LRP1B: variants seen among roughly 807,000 people sequenced by gnomAD.
LRP1B encodes the protein LDL receptor related protein 1B.
Under a neutral mutation model 556.6 loss-of-function variants are expected in LRP1B, and 217 were observed. The ratio of observed to expected loss-of-function variants is 0.39; its 90% CI spans 0.35 to 0.44. The LOEUF is 0.44. LRP1B is among the 20% of genes least tolerant of loss of function. The pLI, the probability that LRP1B is intolerant of heterozygous loss-of-function variation, is 1.00. For synonymous variants in LRP1B, 2,047 were observed against 1,865.8 expected, an observed-to-expected ratio of 1.10 and a Z score of -2.50; for missense variants, 5,053 against 5,620.8, an observed-to-expected ratio of 0.90 and a Z score of 3.23.
At chr2:140,926,652 G>T (rs1192002791) in intron 20 of LRP1B, among the ~76,000 whole-genome samples, 1 of 152,078 alleles carries the variant, frequency 6.6e-6, no homozygotes, top group African/African-American at 2.4e-5. Flanking sequence ...TAATGTCCAT[G>T]ATTTTTAGGA....
chr2:141,406,360 T>C lies in LRP1B; in HGVS notation c.343+74036A>G, dbSNP rs1690632998. 2.0e-5 allele frequency among the ~76,000 whole-genome samples: 3 copies of C among 152,060 alleles called. No individual in the cohort carries two copies. In the South Asian group the frequency reaches 6.2e-4, roughly 32 times the overall value. On this transcript the variant is annotated intron_variant, in intron 3 of 90. Transcript: ENST00000389484. The stretch of plus-strand genomic sequence containing the variant: ...GACACTTCTGAGAATGAAAGAAGGT[T>C]CTTAAAATCTGGTTGGGATAACATA...
chr2:141,717,757 TGCTGCTATTGA>T (rs1692661124), intron 2 of LRP1B, among the ~76,000 whole-genome samples: 1 of 152,248 alleles, frequency 6.6e-6, no homozygotes, highest in African/African-American at 2.4e-5. Flanking sequence ...TACAGTCTAC[TGCTGCTATTGA>T]GAATGATACT....
chr2:140,967,563 C>G (rs546828048), intron 18 of LRP1B, among the ~76,000 whole-genome samples: 14 of 152,178 alleles, frequency 9.2e-5, no homozygotes, highest in Admixed American at 7.9e-4. Flanking sequence ...CTGGCCAGAA[C>G]TTCCAACACT....
At chr2:141,241,317 G>A (rs1683869324) in intron 5 of LRP1B, among the ~76,000 whole-genome samples, 2 of 152,232 alleles carry the variant, frequency 1.3e-5, no homozygotes, top group East Asian at 3.9e-4. Context: ...TAGAATTTCT[G>A]TAGTACAGAG....
chr2:140,802,066 A>T (rs921306223), intron 32 of LRP1B, among the ~76,000 whole-genome samples: 4 of 152,196 alleles, frequency 2.6e-5, no homozygotes, highest in African/African-American at 9.7e-5. Flanking sequence ...ACTTGGGAGA[A>T]ACTATAGAAC....
At chr2:141,704,869 TG>T (rs1423802732) in intron 2 of LRP1B, among the ~76,000 whole-genome samples, 1 of 152,036 alleles carries the variant, frequency 6.6e-6, no homozygotes, top group Non-Finnish European at 1.5e-5. Flanking sequence ...AGTGGCTTAT[TG>T]GACATTTTCC....
chr2:141,076,540 A>G (rs138394961), intron 7 of LRP1B, among the ~76,000 whole-genome samples: 1 of 152,326 alleles, frequency 6.6e-6, no homozygotes, highest in East Asian at 1.9e-4. Context: ...CTAACAATAT[A>G]AAATATTCAT....
intron 2 of LRP1B, among the ~76,000 whole-genome samples, chr2:141,665,100 T>A (rs1412276487): frequency 6.6e-6 from 1 of 152,060 alleles, no homozygotes; most frequent in Non-Finnish European, 1.5e-5. Flanking sequence ...AAACAAGCAA[T>A]GGGGAAAGGA....
chr2:140,756,355 A>G (rs1213163512), intron 35 of LRP1B, among the ~76,000 whole-genome samples: 1 of 152,050 alleles, frequency 6.6e-6, no homozygotes, highest in Non-Finnish European at 1.5e-5. Context: ...AAGACAATAC[A>G]AGGACTCAAA....
intron 18 of LRP1B, among the ~76,000 whole-genome samples, chr2:140,969,694 T>C (rs1023565525): frequency 2.6e-5 from 4 of 152,196 alleles, no homozygotes; most frequent in African/African-American, 9.6e-5. Context: ...AGTGCTTCCT[T>C]CAGGAGCTCT....
At chr2:140,984,075 C>A (rs1489216984) in intron 17 of LRP1B, among the ~76,000 whole-genome samples, 1 of 151,438 alleles carries the variant, frequency 6.6e-6, no homozygotes, top group East Asian at 1.9e-4. Context: ...TTGTATTAAC[C>A]TAGAGAAGGA....
At chr2:141,614,080 C>CAAAAAAAAAAAAAAA (rs550183140) in intron 2 of LRP1B, among the ~76,000 whole-genome samples, 196 of 47,028 alleles carry the variant, frequency 4.2e-3, no homozygotes, top group Non-Finnish European at 4.6e-3. Flanking sequence ...AACTCAGCCT[C>CAAAAAAAAAAAAAAA]AAAAAAAAAA....
At chr2:141,531,855 TGG>T (rs36105535) in intron 2 of LRP1B, among the ~76,000 whole-genome samples, 1 of 151,924 alleles carries the variant, frequency 6.6e-6, no homozygotes, top group Non-Finnish European at 1.5e-5. Flanking sequence ...CACAAGTGTG[TGG>T]GGTGGAGGCA....
At chr2:141,523,840 C>T (rs1472055002) in intron 2 of LRP1B, among the ~76,000 whole-genome samples, 7 of 152,088 alleles carry the variant, frequency 4.6e-5, no homozygotes, top group East Asian at 3.9e-4. Context: ...TACTGTCTTA[C>T]GATTCATGGA....
chr2:140,284,764 A>G (rs1448949931), intron 84 of LRP1B, among the ~76,000 whole-genome samples: 1 of 143,786 alleles, frequency 7.0e-6, no homozygotes. Context: ...CAAAAATATG[A>G]GTGAAAAGTT....
intron 66 of LRP1B, among the ~76,000 whole-genome samples, chr2:140,391,350 A>G (rs935289065): frequency 3.3e-5 from 5 of 152,206 alleles, no homozygotes; most frequent in Non-Finnish European, 5.9e-5. Flanking sequence ...CCATGGTGAT[A>G]TAAGAATTAG....
chr2:140,957,494 A>G (rs1366599758), intron 18 of LRP1B, among the ~76,000 whole-genome samples: 2 of 111,150 alleles, frequency 1.8e-5, no homozygotes, highest in African/African-American at 2.7e-5. Flanking sequence ...CAATGAGACT[A>G]AAAGAAGTGC....
chr2:140,594,613 T>G (rs1682359408), intron 43 of LRP1B, among the ~76,000 whole-genome samples: 1 of 152,214 alleles, frequency 6.6e-6, no homozygotes, highest in Admixed American at 6.5e-5. Flanking sequence ...AGGTTACTTC[T>G]TTCTCATTAA....
intron 3 of LRP1B, among the ~76,000 whole-genome samples, chr2:141,391,807 G>A (rs1000163955): frequency 1.3e-5 from 2 of 152,076 alleles, no homozygotes; most frequent in Non-Finnish European, 2.9e-5. Context: ...GAGAAAGAAT[G>A]GATAAGATCA....
Sources: allele counts gnomAD v4.1 joint callset (sites outside exome capture counted in the v4.1 genomes callset), GRCh38; gene constraint gnomAD v4.1.1; transcripts MANE v1.5; gene names NCBI Gene and HGNC (gene_info 2026-07-23, HGNC 2026-07-21).